The following SNX24 variants were observed in gnomAD, a reference collection of about 807,000 sequenced individuals.
SNX24 encodes the protein sorting nexin 24.
SNX24 carries 22 observed loss-of-function variants against 28.7 expected under a neutral mutation model. The ratio of observed to expected loss-of-function variants is 0.77; its 90% CI spans 0.55 to 1.10. The LOEUF is 1.10. SNX24 is among the 50% of genes least tolerant of loss of function. The pLI is 0.00. For missense variants in SNX24, 221 were observed against 201.1 expected, an observed-to-expected ratio of 1.10 and a Z score of -0.60; for synonymous variants, 69 against 71.5, an observed-to-expected ratio of 0.96 and a Z score of 0.18.
intron 1 of SNX24, among the ~76,000 whole-genome samples, chr5:122,856,224 A>G (rs528858902): frequency 9.2e-5 from 14 of 152,124 alleles, no homozygotes; most frequent in African/African-American, 3.4e-4. Flanking sequence ...AATGTACAGT[A>G]TTTGGTTTTC....
intron 2 of SNX24, among the ~76,000 whole-genome samples, chr5:122,937,401 A>C (rs1759224324): frequency 6.6e-6 from 1 of 152,224 alleles, no homozygotes; most frequent in Non-Finnish European, 1.5e-5. Flanking sequence ...GTCTTAGATA[A>C]ACGAAACAGA....
chr5:122,848,077 C>A (rs1754723146), intron 1 of SNX24, among the ~76,000 whole-genome samples: 1 of 151,892 alleles, frequency 6.6e-6, no homozygotes, highest in African/African-American at 2.4e-5. Context: ...TAAAAAATAT[C>A]TTTTTACTTT....
chr5:123,027,485 G>A (rs953249340), intron 5 of SNX24, among the ~76,000 whole-genome samples: 1 of 152,146 alleles, frequency 6.6e-6, no homozygotes, highest in African/African-American at 2.4e-5. Flanking sequence ...TGCCAGCACC[G>A]AGGGCACGGG....
chr5:122,943,243 C>T (rs568695516), intron 2 of SNX24, among the ~76,000 whole-genome samples: 94 of 152,252 alleles, frequency 6.2e-4, no homozygotes, highest in South Asian at 5.8e-3. Flanking sequence ...ATGAACCTAT[C>T]GCAGTAGTTT....
intron 1 of SNX24, among the ~76,000 whole-genome samples, chr5:122,900,790 A>G (rs1757407589): frequency 6.6e-6 from 1 of 152,084 alleles, no homozygotes; most frequent in African/African-American, 2.4e-5. Context: ...GAAAAAAGAA[A>G]TAAAACAACA....
downstream of SNX24, among the ~76,000 whole-genome samples, chr5:123,009,383 T>C (rs1016330363): frequency 8.5e-5 from 13 of 152,222 alleles, no homozygotes; most frequent in African/African-American, 3.1e-4. Context: ...AGTCAGTAGA[T>C]GTTCATTAAA....
At chr5:123,015,441 A>G (rs951221144) in intron 5 of SNX24, among the ~76,000 whole-genome samples, 2 of 152,230 alleles carry the variant, frequency 1.3e-5, no homozygotes, top group Non-Finnish European at 2.9e-5. Context: ...ATGTAACTAC[A>G]TATTTGGATG....
chr5:122,988,355 T>C (rs1761693215), intron 3 of SNX24, among the ~76,000 whole-genome samples: 1 of 152,214 alleles, frequency 6.6e-6, no homozygotes, highest in African/African-American at 2.4e-5. Context: ...TCCAGCTTTT[T>C]ATTTTTTAAT....
chr5:122,903,013 A>T (rs900357909), intron 1 of SNX24, among the ~76,000 whole-genome samples: 9 of 152,176 alleles, frequency 5.9e-5, no homozygotes, highest in African/African-American at 2.2e-4. Flanking sequence ...CCCTGTATAC[A>T]GAGAACTCAG....
At chr5:123,024,085 A>G in intron 5 of SNX24, 1 of 1,499,282 alleles carries the variant, frequency 6.7e-7, no homozygotes, top group Non-Finnish European at 9.0e-7. Context: ...GCCAACTCCA[A>G]AAGCCCAAGT....
chr5:122,897,337 A>G (rs1228854386), intron 1 of SNX24, among the ~76,000 whole-genome samples: 1 of 152,124 alleles, frequency 6.6e-6, no homozygotes, highest in Non-Finnish European at 1.5e-5. Context: ...TTCTTAGGCT[A>G]TCATAAGAAA....
In SNX24 at chr5:123,008,351, A is replaced by G. The variant is rs768606862; in HGVS notation, c.*602A>G. ...TTAATTTACATTAGAGTGGAGTTGC[A>G]TCATACTCAGGGGTTAGCTTCCAAG... On this transcript the variant is annotated 3_prime_UTR_variant, in exon 7 of 7. Coordinates refer to ENST00000261369, the MANE Select transcript of SNX24 (RefSeq NM_014035.4). 64 of 961,498 alleles carry G rather than the reference A, an allele frequency of 6.7e-5. No individual in the cohort carries two copies. The highest frequency in any genetic ancestry group is 1.1e-4 in the East Asian group (1 of 8,732). 59.6% of individuals were successfully genotyped at this position (961,498 alleles called of 1,614,324 possible). A position where few individuals can be genotyped will look rare whatever the true frequency, so the allele number is the denominator to read the frequency against.
intron 1 of SNX24, among the ~76,000 whole-genome samples, chr5:122,876,202 G>A (rs1184807741): frequency 2.0e-5 from 3 of 152,186 alleles, no homozygotes. Context: ...GTAGGTTTTT[G>A]AGCTGGCCAC....
intron 6 of SNX24, among the ~76,000 whole-genome samples, chr5:123,007,040 T>C (rs533716162): frequency 1.3e-5 from 2 of 152,340 alleles, no homozygotes; most frequent in Non-Finnish European, 2.9e-5. Flanking sequence ...TCCATTCACA[T>C]TTTACCTACT....
chr5:122,886,369 GTCTC>G (rs754098551), intron 1 of SNX24, among the ~76,000 whole-genome samples: 17 of 151,970 alleles, frequency 1.1e-4, no homozygotes, highest in Non-Finnish European at 1.9e-4. Context: ...CTTAATTCCT[GTCTC>G]TCTCTCTCCT....
At position 122,997,397 on chromosome 5, in the gene SNX24, C is replaced by T. The variant is rs188473416; in HGVS notation, c.250-2515C>T. ...TCTGGAGTTTTCTGTAGTGCTTTTG[C>T]CAGTATATCTTACGTAAAGCAATGT... is the stretch of plus-strand genomic sequence containing the variant. On this transcript the variant is annotated intron_variant, in intron 3 of 6. Transcript: ENST00000261369. Among the ~76,000 whole-genome samples, 15 of 152,256 alleles carry T rather than the reference C, an allele frequency of 9.9e-5. No individual in the cohort carries two copies. The South Asian group carries it at 2.7e-3, about 27-fold the overall frequency.
chr5:122,914,534 T>G (rs1374811826), intron 1 of SNX24, among the ~76,000 whole-genome samples: 2 of 150,956 alleles, frequency 1.3e-5, no homozygotes, highest in Non-Finnish European at 3.0e-5. Flanking sequence ...CCTGGACTCT[T>G]TTTGGTTGGT....
At chr5:122,891,409 A>T (rs1756961960) in intron 1 of SNX24, among the ~76,000 whole-genome samples, 1 of 152,210 alleles carries the variant, frequency 6.6e-6, no homozygotes, top group Non-Finnish European at 1.5e-5. Context: ...ATTGGCACAT[A>T]CACTTGAAGT....
At chr5:122,855,455 A>G (rs1241456198) in intron 1 of SNX24, among the ~76,000 whole-genome samples, 1 of 152,122 alleles carries the variant, frequency 6.6e-6, no homozygotes, top group Non-Finnish European at 1.5e-5. Context: ...ATGCTGTTTG[A>G]TAGTATTTTA....
Sources: gnomAD v4.1 joint callset for allele counts (sites outside exome capture counted in the v4.1 genomes callset) on GRCh38, gnomAD v4.1.1 for gene constraint, MANE v1.5 for transcripts, NCBI Gene and HGNC (gene_info 2026-07-23, HGNC 2026-07-21) for gene names.